The following CD46 variants were observed in gnomAD, a reference collection of about 807,000 sequenced individuals.
The protein encoded by CD46 is membrane cofactor protein.
A neutral mutation model predicts 53.3 loss-of-function variants in CD46; 30 were observed. The observed-to-expected ratio is 0.56, with a 90% CI of 0.42 to 0.76. The LOEUF (loss-of-function observed/expected upper bound fraction) is 0.76. Ranked by LOEUF, CD46 falls within the 30% of genes least tolerant of loss-of-function variation. The probability of loss-of-function intolerance (pLI) is 0.00; values close to 1 mark genes in which losing one functional copy is unlikely to be tolerated. For missense variants in CD46, 409 were observed against 463.0 expected, an observed-to-expected ratio of 0.88 and a Z score of 1.07; for synonymous variants, 142 against 152.0, an observed-to-expected ratio of 0.93 and a Z score of 0.48.
chr1:207,769,429 T>C (rs936550834), intron 7 of CD46: 4 of 152,214 alleles, frequency 2.6e-5, no homozygotes, highest in Non-Finnish European at 4.4e-5. Context: ...CGGGCTTAAC[T>C]CACATGCTCC....
intron 7 of CD46, 173 bp downstream of exon 7, chr1:207,767,996 A>T: frequency 1.6e-6 from 1 of 617,344 alleles, no homozygotes; most frequent in Non-Finnish European, 2.9e-6. Context: ...ATTATTTGCC[A>T]TAATCTGATA....
At chr1:207,781,328 G>T (rs1571670056) in intron 8 of CD46, among the ~76,000 whole-genome samples, 1 of 151,822 alleles carries the variant, frequency 6.6e-6, no homozygotes, top group African/African-American at 2.4e-5. Flanking sequence ...ATATGTTCTG[G>T]ATATTACTTC....
At position 207,767,782 on chromosome 1, in the gene CD46, C is replaced by T. The variant is rs751860518; in HGVS notation, c.860C>T (p.Ser287Leu). Residue 287 changes from serine to leucine, a missense_variant, in exon 7 of 13, where the codon TCG becomes TTG. Transcript: ENST00000367042. ...ACATTATTATTTTGTTTTCCAGTGT[C>T]GACTTCTTCCACTACAAAATCTCCA... ...DPPVPKCLKV[S>L]TSSTTKSPAS... 5.6e-6 allele frequency: 9 copies of T among 1,612,554 alleles called. No individual in the cohort carries two copies. The highest frequency in any genetic ancestry group is 2.2e-5 in the East Asian group (1 of 44,842).
At chr1:207,784,795 A>G (rs1356793878) in intron 9 of CD46, among the ~76,000 whole-genome samples, 1 of 152,184 alleles carries the variant, frequency 6.6e-6, no homozygotes, top group Non-Finnish European at 1.5e-5. Context: ...AAGGAGAAGT[A>G]TGAGAACCAA....
At chr1:207,764,104 C>T (rs983365949) in intron 5 of CD46, among the ~76,000 whole-genome samples, 8 of 152,224 alleles carry the variant, frequency 5.3e-5, no homozygotes, top group Admixed American at 1.3e-4. Context: ...ACCAGTTGAT[C>T]TTTAGAGACC....
At chr1:207,777,413 G>A (rs1018969650) in intron 8 of CD46, among the ~76,000 whole-genome samples, 29 of 152,192 alleles carry the variant, frequency 1.9e-4, no homozygotes, top group Non-Finnish European at 5.9e-5. Flanking sequence ...GGGATTTGTT[G>A]TACATAACTA....
intron 5 of CD46, among the ~76,000 whole-genome samples, chr1:207,763,458 T>A (rs1656467971): frequency 6.6e-6 from 1 of 152,148 alleles, no homozygotes; most frequent in African/African-American, 2.4e-5. Context: ...AGGGCTCTCC[T>A]CAAGGGCTTT....
chr1:207,775,890 GCT>G (rs779171283), intron 8 of CD46, among the ~76,000 whole-genome samples: 1 of 152,202 alleles, frequency 6.6e-6, no homozygotes, highest in Non-Finnish European at 1.5e-5. Context: ...GAGCACCACT[GCT>G]CTCTTCAGAG....
At chr1:207,754,114 A>C (rs79277644) in intron 1 of CD46, among the ~76,000 whole-genome samples, 1 of 152,328 alleles carries the variant, frequency 6.6e-6, no homozygotes, top group East Asian at 1.9e-4. Context: ...AATCCAAAAC[A>C]TAATAGTGAC....
chr1:207,767,333 A>G, intron 6 of CD46, 138 bp downstream of exon 6: 1 of 804,222 alleles, frequency 1.2e-6, no homozygotes, highest in Non-Finnish European at 2.1e-6. Flanking sequence ...TCTGTCTTGT[A>G]TTCATTTCTA....
rs752851406 is a variant in CD46 at position 207,785,682 on chromosome 1, G to A, written c.1082G>A (p.Gly361Asp). 1.3e-6 allele frequency: 2 copies of A among 1,597,448 alleles called. No individual in the cohort carries two copies. Among genetic ancestry groups the A allele is most frequent in the Non-Finnish European group, 1.7e-6 (2 of 1,165,284 alleles). The change falls in exon 11 of 13, where the codon GGC becomes GAC. Residue 361 changes from glycine to aspartate, a missense_variant and splice_region_variant. Transcript: ENST00000367042. The stretch of plus-strand genomic sequence containing the variant: ...TATCTTCAAAGGAGGAAGAAGAAAG[G>A]GTAAATTAAAGCATGTTTCTTTTAA... Reference protein sequence around the residue: ...YRYLQRRKKKGTYLTDETHRE... With the variant: ...YRYLQRRKKKDTYLTDETHRE...
intron 4 of CD46, chr1:207,760,186 T>C (rs2102555251): frequency 6.5e-6 from 1 of 154,994 alleles, no homozygotes; most frequent in Non-Finnish European, 1.4e-5. Context: ...CCTGATTAAT[T>C]TGTAAGAATA....
rs1456793682 is a variant in CD46 at position 207,757,221 on chromosome 1, T to C, written c.286+19T>C. On this transcript the variant is annotated intron_variant, in intron 2 of 12. Coordinates refer to ENST00000367042, the MANE Select transcript of CD46 (RefSeq NM_172351.3). ...TGTTATAGTAAGTAAACAAACCTCT[T>C]TTTTTTTTCTGCTTGCTCTAGAGAT... The C allele has an allele frequency of 6.3e-7, 1 of 1,593,788 alleles. No homozygotes were observed. The highest frequency in any genetic ancestry group is 1.1e-5 in the South Asian group (1 of 90,636).
At chr1:207,793,036 T>C (rs1659946129) in intron 12 of CD46, among the ~76,000 whole-genome samples, 1 of 152,244 alleles carries the variant, frequency 6.6e-6, no homozygotes, top group Non-Finnish European at 1.5e-5. Context: ...ATTGTTATAC[T>C]AAAAGTGTGA....
intron 8 of CD46, among the ~76,000 whole-genome samples, chr1:207,780,251 A>G (rs1052981897): frequency 6.6e-6 from 1 of 152,062 alleles, no homozygotes; most frequent in Non-Finnish European, 1.5e-5. Flanking sequence ...GTAAATTTAT[A>G]TAATTATAAT....
intron 5 of CD46, among the ~76,000 whole-genome samples, chr1:207,764,227 C>G (rs1045951427): frequency 6.6e-6 from 1 of 152,116 alleles, no homozygotes; most frequent in East Asian, 1.9e-4. Flanking sequence ...GGGGTGTGCA[C>G]GGAGCTGCGG....
At chr1:207,760,086 C>T (rs781630263) in intron 4 of CD46, 3 of 203,126 alleles carry the variant, frequency 1.5e-5, no homozygotes, top group African/African-American at 4.7e-5. Flanking sequence ...CCATGATGCC[C>T]AGGCTGGTCT....
chr1:207,783,458 T>C (rs999443834), intron 9 of CD46, 128 bp downstream of exon 9: 2 of 668,328 alleles, frequency 3.0e-6, no homozygotes, highest in African/African-American at 3.6e-5. Flanking sequence ...ATGCTGTGTT[T>C]GTATGTAGGT....
At chr1:207,791,020 G>C (rs548232351) in intron 12 of CD46, among the ~76,000 whole-genome samples, 1 of 152,136 alleles carries the variant, frequency 6.6e-6, no homozygotes, top group African/African-American at 2.4e-5. Context: ...CCCTAACCTA[G>C]GTTATAATTA....
Sources: gnomAD v4.1 joint callset for allele counts (sites outside exome capture counted in the v4.1 genomes callset) on GRCh38, gnomAD v4.1.1 for gene constraint, MANE v1.5 for transcripts, NCBI Gene and HGNC (gene_info 2026-07-23, HGNC 2026-07-21) for gene names.